FUT8: variants seen among roughly 807,000 people sequenced by gnomAD.
FUT8 encodes the protein alpha-(1,6)-fucosyltransferase.
Under a neutral mutation model 71.3 loss-of-function variants are expected in FUT8, and 29 were observed. The observed-to-expected ratio is 0.41, with a 90% CI of 0.30 to 0.55. The LOEUF is 0.55. Ranked by LOEUF, FUT8 falls within the 20% of genes least tolerant of loss-of-function variation. FUT8 has a pLI of 0.34. For synonymous variants in FUT8, 254 were observed against 239.3 expected, an observed-to-expected ratio of 1.06 and a Z score of -0.57; for missense variants, 544 against 702.1, an observed-to-expected ratio of 0.77 and a Z score of 2.55.
the FUT8 span, among the ~76,000 whole-genome samples, chr14:65,370,558 A>G: frequency 3.3e-5 from 5 of 150,434 alleles, no homozygotes; most frequent in African/African-American, 1.2e-4. Flanking sequence ...TCACAACTAT[A>G]TGATACATAT....
intron 2 of FUT8, among the ~76,000 whole-genome samples, chr14:65,556,214 T>C (rs1049574200): frequency 5.9e-5 from 9 of 152,210 alleles, no homozygotes; most frequent in African/African-American, 2.2e-4. Flanking sequence ...TAGGGATGGT[T>C]TAGCTGGATC....
At chr14:65,546,211 G>A (rs954354427) in intron 2 of FUT8, among the ~76,000 whole-genome samples, 1 of 151,432 alleles carries the variant, frequency 6.6e-6, no homozygotes, top group Non-Finnish European at 1.5e-5. Flanking sequence ...AGTCATCTTC[G>A]TACTTGCTGG....
intron 1 of FUT8, among the ~76,000 whole-genome samples, chr14:65,445,559 C>T (rs552425108): frequency 6.2e-4 from 94 of 152,188 alleles, no homozygotes; most frequent in African/African-American, 2.2e-3. Flanking sequence ...TGTTGAAATT[C>T]ATAGAACTGT....
At chr14:65,580,070 T>TTCTA (rs1555372883) in intron 3 of FUT8, among the ~76,000 whole-genome samples, 2 of 142,832 alleles carry the variant, frequency 1.4e-5, no homozygotes, top group African/African-American at 5.3e-5. Context: ...GTGCTATATT[T>TTCTA]TATATATATA....
At chr14:65,403,281 A>G in the FUT8 span, among the ~76,000 whole-genome samples, 1 of 152,234 alleles carries the variant, frequency 6.6e-6, no homozygotes, top group Non-Finnish European at 1.5e-5. Context: ...CAGATATGAA[A>G]AAATGAGACA....
intron 2 of FUT8, among the ~76,000 whole-genome samples, chr14:65,506,853 G>A (rs1229743958): frequency 6.6e-6 from 1 of 152,148 alleles, no homozygotes; most frequent in African/African-American, 2.4e-5. Context: ...CCCTCACACA[G>A]GGGCACCAGC....
In FUT8 at chr14:65,607,073, G is replaced by A. The variant is rs2140187413; in HGVS notation, c.204-8905G>A. Among the ~76,000 whole-genome samples the A allele has an allele frequency of 1.3e-5, 2 of 152,004 alleles. No individual in the cohort carries two copies. The highest frequency in any genetic ancestry group is 4.8e-5 in the African/African-American group (2 of 41,524). On this transcript the variant is annotated intron_variant, in intron 3 of 10. Coordinates refer to ENST00000673929, the MANE Select transcript of FUT8 (RefSeq NM_001371533.1). This position sits in a 1 kb window ranked among gnomAD's most constrained non-coding sequence, Gnocchi z 4.1. ...TTTCTGTACATTGATATTGTATATA[G>A]TGATGTCCCTGAACTTTATTAGTAC...
chr14:65,637,240 C>T (rs1198121912), intron 6 of FUT8, among the ~76,000 whole-genome samples: 1 of 152,046 alleles, frequency 6.6e-6, no homozygotes. Context: ...AGTCATTTTC[C>T]TAGACTTTTG....
chr14:65,462,849 A>G (rs1179036728), intron 2 of FUT8, among the ~76,000 whole-genome samples: 1 of 152,228 alleles, frequency 6.6e-6, no homozygotes, highest in African/African-American at 2.4e-5. Flanking sequence ...GATCTGGACA[A>G]AAGTTACTGA....
At chr14:65,597,479 C>T (rs563252684) in intron 3 of FUT8, among the ~76,000 whole-genome samples, 12 of 152,072 alleles carry the variant, frequency 7.9e-5, no homozygotes, top group East Asian at 1.9e-4. Context: ...AAAAATTAGC[C>T]GGGCATGGTG....
intron 2 of FUT8, among the ~76,000 whole-genome samples, chr14:65,552,803 C>T (rs1885364173): frequency 6.6e-6 from 1 of 152,130 alleles, no homozygotes. Flanking sequence ...CTTTGCTATA[C>T]CTTTTTATTT....
rs762051991 is a variant in FUT8, at chr14:65,615,994, A to G, written c.220A>G (p.Ile74Val). 15 of 1,612,574 alleles carry G rather than the reference A, an allele frequency of 9.3e-6. No homozygotes were observed. Among genetic ancestry groups the G allele is most frequent in the East Asian group, 4.5e-5 (2 of 44,860 alleles). The change falls in exon 4 of 11, where the codon ATT becomes GTT. Residue 74 changes from isoleucine to valine, a missense_variant. Physicochemically the swap from Ile to Val is conservative, Grantham distance 29. Coordinates refer to ENST00000673929, the MANE Select transcript of FUT8 (RefSeq NM_001371533.1). ...AESLRIPEGP[I>V]DQGPAIGRVR... ...AAACTACAGGATACCAGAAGGCCCT[A>G]TTGATCAGGGGCCAGCTATAGGAAG...
At chr14:65,577,121 A>AT (rs1886833387) in intron 3 of FUT8, among the ~76,000 whole-genome samples, 1 of 152,044 alleles carries the variant, frequency 6.6e-6, no homozygotes. Context: ...AAGTGCTGGG[A>AT]TTACAGATAT....
At chr14:65,541,836 C>G (rs923384729) in intron 2 of FUT8, among the ~76,000 whole-genome samples, 5 of 152,178 alleles carry the variant, frequency 3.3e-5, no homozygotes, top group Non-Finnish European at 7.3e-5. Context: ...GTGGTTTTCA[C>G]TCACGAATAT....
At chr14:65,377,267 G>A in the FUT8 span, among the ~76,000 whole-genome samples, 3 of 152,264 alleles carry the variant, frequency 2.0e-5, no homozygotes, top group Admixed American at 2.0e-4. Flanking sequence ...AGCTTTGATG[G>A]AACTGGAGAG....
At chr14:65,361,657 A>G in the FUT8 span, among the ~76,000 whole-genome samples, 9,620 of 151,392 alleles carry the variant, frequency 0.064, 568 homozygotes, top group East Asian at 0.2. Context: ...GCGTGGTGGC[A>G]TGTGCCTGTA....
chr14:65,508,157 T>A (rs936658371), intron 2 of FUT8, among the ~76,000 whole-genome samples: 2 of 150,330 alleles, frequency 1.3e-5, no homozygotes, highest in East Asian at 4.0e-4. Flanking sequence ...ATCCTCCACT[T>A]CCTAGATTCA....
At chr14:65,426,169 C>T (rs1205089543) in intron 1 of FUT8, among the ~76,000 whole-genome samples, 1 of 152,010 alleles carries the variant, frequency 6.6e-6, no homozygotes, top group African/African-American at 2.4e-5. Flanking sequence ...TATGAGTTCA[C>T]CTTTTTTAGA....
the FUT8 span, among the ~76,000 whole-genome samples, chr14:65,386,837 ATTTT>A: frequency 2.4e-5 from 2 of 82,014 alleles, no homozygotes; most frequent in Non-Finnish European, 4.9e-5. Context: ...TCTTCCTTTA[ATTTT>A]TTTTTTTTTT....
Sources: gnomAD v4.1 joint callset for allele counts (sites outside exome capture counted in the v4.1 genomes callset) on GRCh38, gnomAD v4.1.1 for gene constraint, Gnocchi (gnomAD v3.1) non-coding constraint, MANE v1.5 for transcripts, NCBI Gene and HGNC (gene_info 2026-07-23, HGNC 2026-07-21) for gene names.